ERFL: variants seen among roughly 807,000 people sequenced by gnomAD.
The protein encoded by ERFL is ETS repressor factor like.
Under a neutral mutation model 27.9 loss-of-function variants are expected in ERFL, and 8 were observed. The observed-to-expected ratio is 0.29, with a 90% CI of 0.17 to 0.52. The LOEUF is 0.52. Among genes scored for constraint, ERFL ranks in the 20% least tolerant of loss-of-function variants. ERFL has a pLI of 0.97. For synonymous variants in ERFL, 174 were observed against 202.8 expected, an observed-to-expected ratio of 0.86 and a Z score of 1.21; for missense variants, 294 against 444.4, an observed-to-expected ratio of 0.66 and a Z score of 3.04.
rs540083289 is a variant in ERFL at position 41,922,703 on chromosome 19, G to T, written c.-14+5337C>A. Among the ~76,000 whole-genome samples, 497 of 152,240 alleles carry T rather than the reference G, an allele frequency of 3.3e-3. 2 individuals are homozygous for T. Among genetic ancestry groups the T allele is most frequent in the Admixed American group, 5.6e-3 (86 of 15,304 alleles). ...CTGGAGCTGGGTGCCGGGCCACCAGGGATCCCACAAGGGCCGGGGTCCAGC... is the reference window on the plus strand; with the variant it reads ...CTGGAGCTGGGTGCCGGGCCACCAGTGATCCCACAAGGGCCGGGGTCCAGC... On this transcript the variant is annotated intron_variant, in intron 1 of 5. Coordinates refer to ENST00000597630, the MANE Select transcript of ERFL (RefSeq NM_001365103.2).
chr19:41,913,061 G>A (rs1555851397), intron 1 of ERFL, 129 bp from the exon 2 acceptor site: 3 of 403,082 alleles, frequency 7.4e-6, no homozygotes, highest in Admixed American at 4.4e-5. Context: ...CCCTCTCCCC[G>A]CAATCCCTCC....
rs1599669507 is a variant in ERFL, at chr19:41,907,882, C to A, written c.*346G>T. On this transcript the variant is annotated 3_prime_UTR_variant, in exon 6 of 6. Transcript: ENST00000597630. ...GGGGGTGTCAGGACTGGGGCCAGCA[C>A]AGGGGGTTTGGAGACACGGCCACAC... The A allele has an allele frequency of 5.5e-6, 1 of 183,334 alleles. No individual in the cohort carries two copies. The highest frequency in any genetic ancestry group is 1.0e-4 in the East Asian group (1 of 10,028). 11.4% of individuals were successfully genotyped at this position (183,334 alleles called of 1,614,324 possible). A position where few individuals can be genotyped will look rare whatever the true frequency, so the allele number is the denominator to read the frequency against.
chr19:41,919,741 C>T (rs1464516144), intron 1 of ERFL, among the ~76,000 whole-genome samples: 5 of 152,150 alleles, frequency 3.3e-5, no homozygotes, highest in Admixed American at 2.0e-4. Flanking sequence ...TCACTTGGTC[C>T]TTCCACCCTG....
intron 2 of ERFL, among the ~76,000 whole-genome samples, chr19:41,912,386 T>G (rs2074757950): frequency 1.3e-5 from 2 of 152,188 alleles, no homozygotes; most frequent in African/African-American, 4.8e-5. Flanking sequence ...CAACCCCGGT[T>G]GCAAGCTGTC....
chr19:41,915,218 G>C (rs934058754), intron 1 of ERFL, among the ~76,000 whole-genome samples: 15 of 133,456 alleles, frequency 1.1e-4, no homozygotes, highest in Non-Finnish European at 1.9e-4. Context: ...GCCTCCTCCG[G>C]ACACGTTATA....
chr19:41,923,048 G>A (rs572255780), intron 1 of ERFL: 11 of 424,048 alleles, frequency 2.6e-5, no homozygotes, highest in East Asian at 7.1e-5. Flanking sequence ...CCCACAGAGG[G>A]AAGTTCAGCG....
At position 41,908,630 on chromosome 19, in the gene ERFL, G is replaced by T; in HGVS notation, c.663C>A (p.Gly221=). The T allele has an allele frequency of 8.1e-7, 1 of 1,231,692 alleles. No individual in the cohort carries two copies. Among genetic ancestry groups the T allele is most frequent in the Non-Finnish European group, 1.0e-6 (1 of 988,024 alleles). The allele number at this position is 1,231,692 out of a possible 1,614,324, so 76.3% of individuals were successfully genotyped here. ...TCCAGGGGTACTCAGGGAAGGCGCG[G>T]CCATAAGGACCCAGCAGGCCAGGGG... ...SKPPGLLGPY[G]RAFPEYPWNF... The change falls in exon 6 of 6, where the codon GGC becomes GGA. Residue 221 remains glycine (G), a synonymous_variant. Transcript: ENST00000597630. This position sits in a 1 kb window ranked among gnomAD's most constrained non-coding sequence, Gnocchi z 6.7.
Position 41,910,039 on chromosome 19 carries a change from G to T in ERFL, c.126C>A (p.Ile42=). ...KPESSPGSRQ[I]QLWHFILELL... The stretch of plus-strand genomic sequence containing the variant: ...GCTCCAGGATAAAGTGCCACAGCTG[G>T]ATCTGCCTCGAGCCAGGGGATGACT... The change falls in exon 3 of 6, where the codon ATC becomes ATA. Residue 42 remains isoleucine, a synonymous_variant. Coordinates refer to ENST00000597630, the MANE Select transcript of ERFL (RefSeq NM_001365103.2). The surrounding 1 kb of genome is among the most constrained non-coding windows in gnomAD (Gnocchi z 4.4). The T allele has an allele frequency of 6.2e-7, 1 of 1,613,604 alleles. No individual in the cohort carries two copies. Among genetic ancestry groups the T allele is most frequent in the Non-Finnish European group, 8.5e-7 (1 of 1,179,958 alleles).
intron 1 of ERFL, among the ~76,000 whole-genome samples, chr19:41,913,694 C>T (rs1387775927): frequency 9.2e-5 from 14 of 151,542 alleles, no homozygotes; most frequent in African/African-American, 3.4e-4. Flanking sequence ...GTCAGACCCC[C>T]TCCCTCAGAC....
At position 41,917,407 on chromosome 19, in the gene ERFL, C is replaced by T. The variant is rs180822466; in HGVS notation, c.-13-4475G>A. On this transcript the variant is annotated intron_variant, in intron 1 of 5. Transcript: ENST00000597630. The surrounding 1 kb of genome is among the most constrained non-coding windows in gnomAD (Gnocchi z 4.8). ...CAGTTGTTTTGATTTCTCTAAGCTG[C>T]GCCGGCCGCCTCGGGAGCCGCCTCG... 3.3e-5 allele frequency among the ~76,000 whole-genome samples: 5 copies of T among 152,148 alleles called. No individual in the cohort carries two copies. In the East Asian group the frequency reaches 5.8e-4, roughly 18 times the overall value.
chr19:41,914,041 C>G (rs1205301696), intron 1 of ERFL, among the ~76,000 whole-genome samples: 1 of 148,408 alleles, frequency 6.7e-6, no homozygotes, highest in Non-Finnish European at 1.5e-5. Context: ...CCCTCAGACC[C>G]TGGCAGCCCA....
intron 2 of ERFL, among the ~76,000 whole-genome samples, chr19:41,911,927 C>T (rs780232180): frequency 1.8e-4 from 27 of 151,926 alleles, no homozygotes; most frequent in Non-Finnish European, 2.9e-4. Flanking sequence ...ATGGACCCTA[C>T]GCTGAAAACC....
Position 41,917,898 on chromosome 19 carries a change from C to T in ERFL, c.-13-4966G>A, listed in dbSNP as rs537171392. 1.3e-5 allele frequency among the ~76,000 whole-genome samples: 2 copies of T among 152,098 alleles called. No homozygotes were observed. Among genetic ancestry groups the T allele is most frequent in the African/African-American group, 4.8e-5 (2 of 41,440 alleles). On this transcript the variant is annotated intron_variant, in intron 1 of 5. Coordinates refer to ENST00000597630, the MANE Select transcript of ERFL (RefSeq NM_001365103.2). This position sits in a 1 kb window ranked among gnomAD's most constrained non-coding sequence, Gnocchi z 4.8. ...CAACACCCTGTCCCATCTGGGTGCACGAAGCCAGCTCCCCGCGGTCACACA... is the reference window on the plus strand; with the variant it reads ...CAACACCCTGTCCCATCTGGGTGCATGAAGCCAGCTCCCCGCGGTCACACA...
Position 41,909,398 on chromosome 19 carries a change from C to G in ERFL, c.376G>C (p.Val126Leu). 8.1e-7 allele frequency: 1 copy of G among 1,237,620 alleles called. No homozygotes were observed. Among genetic ancestry groups the G allele is most frequent in the Non-Finnish European group, 1.0e-6 (1 of 990,564 alleles). The allele number at this position is 1,237,620 out of a possible 1,614,324, so 76.7% of individuals were successfully genotyped here. A position where few individuals can be genotyped will look rare whatever the true frequency, so the allele number is the denominator to read the frequency against. ...RFTYKFNFSK[V>L]VLVNYPLLDM... ...AGCAGCGGGTAATTGACAAGCACGA[C>G]TTTGCTGAAGTTGAACTTGTAGGTG... The change falls in exon 4 of 6, where the codon GTC becomes CTC. Residue 126 changes from valine (V) to leucine (L), a missense_variant. Around this residue, in one of 3 missense-constraint regions of ERFL, gnomAD observed 246 missense variants for 371.4 expected, o/e 0.66. Coordinates refer to ENST00000597630, the MANE Select transcript of ERFL (RefSeq NM_001365103.2). This position sits in a 1 kb window ranked among gnomAD's most constrained non-coding sequence, Gnocchi z 5.2.
intron 2 of ERFL, among the ~76,000 whole-genome samples, chr19:41,912,401 T>C (rs1365523523): frequency 6.6e-6 from 1 of 152,166 alleles, no homozygotes; most frequent in Non-Finnish European, 1.5e-5. Flanking sequence ...GCTGTCCTCT[T>C]TCCTGGGTCT....
chr19:41,909,927 G>A lies in ERFL; in HGVS notation c.238C>T (p.Arg80Trp). The A allele has an allele frequency of 4.3e-6, 7 of 1,613,776 alleles. No individual in the cohort carries two copies. Among genetic ancestry groups the A allele is most frequent in the East Asian group, 2.2e-5 (1 of 44,870 alleles). The part of the protein sequence containing the change: ...FVIKDPDEVA[R>W]LWGIRKCKPH... The stretch of plus-strand genomic sequence containing the variant: ...TTGCATTTGCGAATACCCCACAGCC[G>A]GGCCACCTCATCGGGGTCTTTGATG... Residue 80 changes from arginine to tryptophan, a missense_variant, in exon 3 of 6, where the codon CGG becomes TGG. By Grantham distance (101) the Arg-to-Trp change is moderately radical. Around this residue, in one of 3 missense-constraint regions of ERFL, gnomAD observed 246 missense variants for 371.4 expected, o/e 0.66. Coordinates refer to ENST00000597630, the MANE Select transcript of ERFL (RefSeq NM_001365103.2). The surrounding 1 kb of genome is among the most constrained non-coding windows in gnomAD (Gnocchi z 5.2).
At chr19:41,918,467 CCA>C (rs1432116168) in intron 1 of ERFL, among the ~76,000 whole-genome samples, 12 of 149,380 alleles carry the variant, frequency 8.0e-5, no homozygotes, top group Non-Finnish European at 1.0e-4. Flanking sequence ...CACCTACACA[CCA>C]CACACGCACC....
At position 41,914,689 on chromosome 19, in the gene ERFL, GTCTCTCCCTCCCCTTCCACCA is replaced by G. The variant is rs1568832067; in HGVS notation, c.-13-1778_-13-1758del. On this transcript the variant is annotated intron_variant, in intron 1 of 5. Transcript: ENST00000597630. Reference sequence around the variant, plus strand: ...CTCTCCCTCCCCTTCCACCATCTCTGTCTCTCCCTCCCCTTCCACCATCTCTGTCTCTCCCTCCCCTTCCAC... The same window carrying G: ...CTCTCCCTCCCCTTCCACCATCTCTGTCTCTGTCTCTCCCTCCCCTTCCAC... 3.4e-3 allele frequency among the ~76,000 whole-genome samples: 68 copies of G among 19,854 alleles called. 20 individuals carry two copies. Among genetic ancestry groups the G allele is most frequent in the East Asian group, 0.011 (4 of 374 alleles). The allele number at this position is 19,854 out of a possible 152,430, so 13.0% of individuals were successfully genotyped here. A position where few individuals can be genotyped will look rare whatever the true frequency, so the allele number is the denominator to read the frequency against.
At chr19:41,926,498 A>G (rs2074871114) in intron 1 of ERFL, among the ~76,000 whole-genome samples, 1 of 152,118 alleles carries the variant, frequency 6.6e-6, no homozygotes, top group Non-Finnish European at 1.5e-5. Flanking sequence ...TGACTCTGCC[A>G]GATGGTCTGC....
Sources: allele counts gnomAD v4.1 joint callset (sites outside exome capture counted in the v4.1 genomes callset), GRCh38; gene constraint gnomAD v4.1.1; regional missense constraint gnomAD v4.1.1; non-coding constraint Gnocchi (gnomAD v3.1); transcripts MANE v1.5; gene names NCBI Gene and HGNC (gene_info 2026-07-23, HGNC 2026-07-21).